The following SDK1 variants were observed in gnomAD, a reference collection of about 807,000 sequenced individuals.
SDK1 encodes the protein sidekick cell adhesion molecule 1, also known as protein sidekick-1.
In SDK1, 157 loss-of-function variants were observed where a neutral mutation model predicts 245.5. The observed-to-expected ratio is 0.64, with a 90% confidence interval of 0.56 to 0.73. The LOEUF is 0.73. Among genes scored for constraint, SDK1 ranks in the 30% least tolerant of loss-of-function variants. SDK1 has a pLI of 0.00. For missense variants in SDK1, 3,583 were observed against 3,002.3 expected, an observed-to-expected ratio of 1.19 and a Z score of -4.52; for synonymous variants, 1,647 against 1,278.5, an observed-to-expected ratio of 1.29 and a Z score of -6.15.
At chr7:3,877,233 G>GC (rs1403234076) in intron 5 of SDK1, among the ~76,000 whole-genome samples, 1 of 152,138 alleles carries the variant, frequency 6.6e-6, no homozygotes, top group Non-Finnish European at 1.5e-5. Flanking sequence ...CGTTGCCCCT[G>GC]TTTTTTCCAT....
At chr7:3,920,394 G>A (rs1026333862) in intron 5 of SDK1, among the ~76,000 whole-genome samples, 2 of 152,112 alleles carry the variant, frequency 1.3e-5, no homozygotes, top group African/African-American at 4.8e-5. Context: ...GGGAGTCTGG[G>A]GGGAAGGTCA....
chr7:3,454,398 G>GTT (rs1780611339), intron 1 of SDK1, among the ~76,000 whole-genome samples: 1 of 148,804 alleles, frequency 6.7e-6, no homozygotes, highest in African/African-American at 2.5e-5. Flanking sequence ...TTGTGTGTGT[G>GTT]TGTGTGTGTG....
At chr7:3,469,643 G>A (rs979821127) in intron 1 of SDK1, among the ~76,000 whole-genome samples, 2 of 152,126 alleles carry the variant, frequency 1.3e-5, no homozygotes, top group African/African-American at 4.8e-5. Context: ...CCTTTGTAAA[G>A]ACTTTGTATT....
intron 19 of SDK1, among the ~76,000 whole-genome samples, chr7:4,062,471 T>A (rs549289683): frequency 6.6e-6 from 1 of 152,098 alleles, no homozygotes; most frequent in East Asian, 1.9e-4. Context: ...GTAATAACTC[T>A]CCCAACAAAG....
At chr7:3,438,108 C>T (rs1381521594) in intron 1 of SDK1, among the ~76,000 whole-genome samples, 1 of 152,150 alleles carries the variant, frequency 6.6e-6, no homozygotes, top group East Asian at 1.9e-4. Flanking sequence ...CTTGACCTAG[C>T]CCCCTGCATC....
chr7:3,956,483 C>T (rs1004187847), intron 7 of SDK1, among the ~76,000 whole-genome samples: 1 of 152,168 alleles, frequency 6.6e-6, no homozygotes, highest in Admixed American at 6.5e-5. Context: ...AGCTCAGAGG[C>T]CACGCAGGGC....
chr7:4,037,061 A>T (rs1335764071), intron 17 of SDK1, among the ~76,000 whole-genome samples: 1 of 152,178 alleles, frequency 6.6e-6, no homozygotes, highest in Non-Finnish European at 1.5e-5. Context: ...AGTAATAACA[A>T]TGATGATGAT....
intron 40 of SDK1, among the ~76,000 whole-genome samples, chr7:4,232,399 T>TTTC (rs1785840386): frequency 4.3e-5 from 5 of 115,070 alleles, no homozygotes; most frequent in Admixed American, 8.8e-5. Flanking sequence ...TTTCTTTTCT[T>TTTC]TTCTTTTCTT....
At chr7:3,694,863 C>T (rs984565428) in intron 4 of SDK1, among the ~76,000 whole-genome samples, 19 of 152,136 alleles carry the variant, frequency 1.2e-4, no homozygotes, top group Non-Finnish European at 2.8e-4. Context: ...ATGATTTGTT[C>T]TGTGGAATGA....
At chr7:4,041,199 G>A (rs936699009) in intron 17 of SDK1, among the ~76,000 whole-genome samples, 1 of 152,106 alleles carries the variant, frequency 6.6e-6, no homozygotes, top group Non-Finnish European at 1.5e-5. Flanking sequence ...GTGTGGCTCA[G>A]CCAACCTGTG....
chr7:4,096,662 T>C (rs1782167966), intron 22 of SDK1, among the ~76,000 whole-genome samples: 1 of 152,118 alleles, frequency 6.6e-6, no homozygotes, highest in Non-Finnish European at 1.5e-5. Flanking sequence ...AGAAGGCTGC[T>C]TGAGACACTG....
chr7:3,353,039 G>A lies in SDK1; in HGVS notation c.298+51155G>A, dbSNP rs190027052. 5.0e-3 allele frequency among the ~76,000 whole-genome samples: 758 copies of A among 152,276 alleles called. 4 individuals are homozygous for A. The highest frequency in any genetic ancestry group is 7.5e-3 in the Admixed American group (115 of 15,294). ...TGTTTTCTGGTGATCATATCCCACC[G>A]TGTCATTAGTTCTTTTAAAGTACTT... On this transcript the variant is annotated intron_variant, in intron 1 of 44. Transcript: ENST00000404826.
intron 1 of SDK1, among the ~76,000 whole-genome samples, chr7:3,325,847 G>T (rs1779927444): frequency 6.6e-6 from 1 of 152,094 alleles, no homozygotes; most frequent in South Asian, 2.1e-4. Flanking sequence ...ACAGGTTGAT[G>T]TTACAGGAAA....
intron 14 of SDK1, among the ~76,000 whole-genome samples, chr7:4,004,666 T>A (rs1290760659): frequency 6.6e-6 from 1 of 152,250 alleles, no homozygotes; most frequent in Non-Finnish European, 1.5e-5. Context: ...TTCCTCACTT[T>A]CCTTTTGCTA....
chr7:3,492,495 A>G (rs1434990062), intron 1 of SDK1, among the ~76,000 whole-genome samples: 3 of 152,234 alleles, frequency 2.0e-5, no homozygotes, highest in South Asian at 4.1e-4. Context: ...CTCCGTCTCA[A>G]AAAAATACAA....
intron 19 of SDK1, 85 bp downstream of exon 19, chr7:4,051,915 A>T: frequency 7.6e-7 from 1 of 1,323,260 alleles, no homozygotes; most frequent in Non-Finnish European, 1.0e-6. Context: ...GCAAGGGCAG[A>T]GGTGGATCAC....
intron 2 of SDK1, among the ~76,000 whole-genome samples, chr7:3,629,302 AAAAAAAAAAG>A (rs925971804): frequency 5.1e-5 from 7 of 136,924 alleles, no homozygotes; most frequent in Admixed American, 2.3e-4. Context: ...CTCAGTCTCA[AAAAAAAAAAG>A]AAAAAAAAGA....
chr7:3,420,310 A>G (rs1009512823), intron 1 of SDK1, among the ~76,000 whole-genome samples: 1 of 152,232 alleles, frequency 6.6e-6, no homozygotes, highest in Admixed American at 6.5e-5. Flanking sequence ...ATGCAATAGC[A>G]TTTATTTTGC....
intron 21 of SDK1, among the ~76,000 whole-genome samples, chr7:4,079,224 C>T (rs1157199696): frequency 1.3e-5 from 2 of 152,192 alleles, no homozygotes; most frequent in East Asian, 3.9e-4. Context: ...ATCAGGGAGG[C>T]CATGTTAGCG....
Sources: allele counts gnomAD v4.1 joint callset (sites outside exome capture counted in the v4.1 genomes callset), GRCh38; gene constraint gnomAD v4.1.1; transcripts MANE v1.5; gene names NCBI Gene and HGNC (gene_info 2026-07-23, HGNC 2026-07-21).